SRGAP2: variants seen among roughly 807,000 people sequenced by gnomAD.
SRGAP2 encodes SLIT-ROBO Rho GTPase activating protein 2, also known as SLIT-ROBO Rho GTPase-activating protein 2.
In SRGAP2, 15 loss-of-function variants were observed where a neutral mutation model predicts 57.2. The observed-to-expected ratio is 0.26, with a 90% confidence interval of 0.18 to 0.40. The LOEUF (loss-of-function observed/expected upper bound fraction) is 0.40, where lower values mean the gene tolerates loss of function less well. Among genes scored for constraint, SRGAP2 ranks in the 10% least tolerant of loss-of-function variants. The pLI is 1.00. For missense variants in SRGAP2, 520 were observed against 669.6 expected, an observed-to-expected ratio of 0.78 and a Z score of 2.47; for synonymous variants, 249 against 248.0, an observed-to-expected ratio of 1.00 and a Z score of -0.04.
Position 206,360,677 on chromosome 1 carries a change from C to T in SRGAP2, c.423+17669C>T, listed in dbSNP as rs555922941. On this transcript the variant is annotated intron_variant, in intron 4 of 22. Transcript: ENST00000573034. ...GAAAAAAATAGCAGTCGAAGATGACCCCAAGCATTCTGGCCTGAACAATTC... is the reference window on the plus strand; with the variant it reads ...GAAAAAAATAGCAGTCGAAGATGACTCCAAGCATTCTGGCCTGAACAATTC... Among the ~76,000 whole-genome samples the T allele has an allele frequency of 9.9e-5, 15 of 152,280 alleles. No homozygotes were observed. The East Asian group carries it at 2.9e-3, about 29-fold the overall frequency.
At chr1:206,333,821 G>A (rs1323394544) in intron 3 of SRGAP2, among the ~76,000 whole-genome samples, 4 of 152,214 alleles carry the variant, frequency 2.6e-5, no homozygotes, top group African/African-American at 9.6e-5. Context: ...AGTTCAAGGC[G>A]CTTTCCACAG....
intron 2 of SRGAP2, among the ~76,000 whole-genome samples, chr1:206,230,145 A>G (rs1238496678): frequency 2.6e-5 from 4 of 152,206 alleles, no homozygotes; most frequent in African/African-American, 9.6e-5. Flanking sequence ...ATTGAGAGAA[A>G]GCCATTCAAT....
intron 5 of SRGAP2, among the ~76,000 whole-genome samples, chr1:206,391,664 ACT>A (rs1320771831): frequency 6.8e-6 from 1 of 146,684 alleles, no homozygotes; most frequent in Admixed American, 6.7e-5. Flanking sequence ...CCCAACTTCT[ACT>A]CTCTAATTCT....
chr1:206,352,875 G>A (rs1184125079), intron 4 of SRGAP2, among the ~76,000 whole-genome samples: 3 of 152,056 alleles, frequency 2.0e-5, no homozygotes, highest in African/African-American at 7.3e-5. Context: ...GAGTCCTGTT[G>A]CATGATTACA....
At chr1:206,349,673 TAAG>T (rs1553337669) in intron 4 of SRGAP2, among the ~76,000 whole-genome samples, 1 of 122,172 alleles carries the variant, frequency 8.2e-6, no homozygotes, top group Non-Finnish European at 1.7e-5. Flanking sequence ...AGTGTCCTCA[TAAG>T]AAGGAGATTA....
At chr1:206,414,587 G>T (rs1659517904) in intron 10 of SRGAP2, among the ~76,000 whole-genome samples, 1 of 152,042 alleles carries the variant, frequency 6.6e-6, no homozygotes, top group African/African-American at 2.4e-5. Flanking sequence ...CTGATCTGGA[G>T]GATGAACCAC....
At chr1:206,420,462 G>A (rs1388944922) in intron 12 of SRGAP2, among the ~76,000 whole-genome samples, 2 of 152,168 alleles carry the variant, frequency 1.3e-5, no homozygotes, top group Non-Finnish European at 2.9e-5. Flanking sequence ...TTATTTTGCT[G>A]TGAGACCTTA....
At chr1:206,218,026 C>A (rs1348469968) in intron 2 of SRGAP2, among the ~76,000 whole-genome samples, 5 of 151,956 alleles carry the variant, frequency 3.3e-5, no homozygotes, top group Admixed American at 6.5e-5. Flanking sequence ...CGTTGAAGAT[C>A]GGCCTGGCTG....
intron 2 of SRGAP2, among the ~76,000 whole-genome samples, chr1:206,284,790 T>G (rs1242047567): frequency 1.3e-5 from 2 of 151,856 alleles, no homozygotes; most frequent in Non-Finnish European, 2.9e-5. Flanking sequence ...GACTGTACAT[T>G]TTATGATATA....
intron 3 of SRGAP2, among the ~76,000 whole-genome samples, chr1:206,319,061 C>T (rs1229669357): frequency 7.9e-5 from 12 of 152,170 alleles, no homozygotes; most frequent in African/African-American, 2.7e-4. Flanking sequence ...TGGGCTTTGT[C>T]TTGGATTTTA....
chr1:206,295,343 C>G, intron 2 of SRGAP2, among the ~76,000 whole-genome samples: 2 of 152,222 alleles, frequency 1.3e-5, no homozygotes, highest in East Asian at 3.9e-4. Flanking sequence ...CCTGCCTCAC[C>G]CTCCCAAGTA....
intron 14 of SRGAP2, among the ~76,000 whole-genome samples, chr1:206,432,893 G>C (rs1661396653): frequency 6.6e-6 from 1 of 152,154 alleles, no homozygotes; most frequent in Non-Finnish European, 1.5e-5. Context: ...TGTTTACCCT[G>C]GTAATCACGT....
At chr1:206,257,748 A>T (rs1669281554) in intron 2 of SRGAP2, among the ~76,000 whole-genome samples, 1 of 118,416 alleles carries the variant, frequency 8.4e-6, no homozygotes, top group Admixed American at 8.5e-5. Flanking sequence ...ATATATACAT[A>T]TATATATACT....
rs1203998951 is a variant in SRGAP2 at position 206,463,839 on chromosome 1, A to G, written c.*2419A>G. 1.3e-5 allele frequency: 2 copies of G among 152,644 alleles called. No homozygotes were observed. The highest frequency in any genetic ancestry group is 4.8e-5 in the African/African-American group (2 of 41,444). 9.5% of individuals were successfully genotyped at this position (152,644 alleles called of 1,614,324 possible). On this transcript the variant is annotated 3_prime_UTR_variant, in exon 23 of 23. Transcript: ENST00000573034. ...CAAACAACTGGAATTGAGGTTGCAC[A>G]CTGTGATTTTTACACCGAAAAGCCA...
chr1:206,371,740 A>G lies in SRGAP2; in HGVS notation c.424-12274A>G, dbSNP rs1238817192. Among the ~76,000 whole-genome samples the G allele has an allele frequency of 3.4e-3, 202 of 58,694 alleles. 3 individuals are homozygous for G. The highest frequency in any genetic ancestry group is 5.5e-3 in the African/African-American group (35 of 6,376). The allele number at this position is 58,694 out of a possible 152,430, so 38.5% of individuals were successfully genotyped here. On this transcript the variant is annotated intron_variant, in intron 4 of 22. Coordinates refer to ENST00000573034, the MANE Select transcript of SRGAP2 (RefSeq NM_015326.5). Reference sequence around the variant, plus strand: ...AGTGAGACTCCGTCTCCAAAAAAAAAAAGAAAAAAAATATAGATCTAAGTG... The same window carrying G: ...AGTGAGACTCCGTCTCCAAAAAAAAGAAGAAAAAAAATATAGATCTAAGTG...
Position 206,316,404 on chromosome 1 carries a change from C to G in SRGAP2, c.260+12931C>G, listed in dbSNP as rs1189701393. On this transcript the variant is annotated intron_variant, in intron 3 of 22. Coordinates refer to ENST00000573034, the MANE Select transcript of SRGAP2 (RefSeq NM_015326.5). Reference sequence around the variant, plus strand: ...GCCTGGCTGGGTAATATGTCAGTTTCCATTTTCTTCAGACCCCTGTGGGCC... The same window carrying G: ...GCCTGGCTGGGTAATATGTCAGTTTGCATTTTCTTCAGACCCCTGTGGGCC... 4.8e-3 allele frequency among the ~76,000 whole-genome samples: 580 copies of G among 121,778 alleles called. 2 individuals are homozygous for G. Among genetic ancestry groups the G allele is most frequent in the African/African-American group, 0.023 (536 of 23,508 alleles). The allele number at this position is 121,778 out of a possible 152,430, so 79.9% of individuals were successfully genotyped here.
chr1:206,357,582 C>CTTT lies in SRGAP2; in HGVS notation c.423+14594_423+14596dup, dbSNP rs781912077. Reference sequence around the variant, plus strand: ...CCTTATGGTTCTTTGGCTATGTTGTCTTTTTTTTTTTTTTTTTTTTTTGGA... The same window carrying CTTT: ...CCTTATGGTTCTTTGGCTATGTTGTCTTTTTTTTTTTTTTTTTTTTTTTTTGGA... On this transcript the variant is annotated intron_variant, in intron 4 of 22. Coordinates refer to ENST00000573034, the MANE Select transcript of SRGAP2 (RefSeq NM_015326.5). 1.3e-3 allele frequency among the ~76,000 whole-genome samples: 104 copies of CTTT among 77,988 alleles called. 1 individual carries two copies. Among genetic ancestry groups the CTTT allele is most frequent in the African/African-American group, 4.1e-3 (75 of 18,110 alleles). The allele number at this position is 77,988 out of a possible 152,430, so 51.2% of individuals were successfully genotyped here.
At chr1:206,257,725 G>C (rs1669273050) in intron 2 of SRGAP2, among the ~76,000 whole-genome samples, 1 of 115,314 alleles carries the variant, frequency 8.7e-6, no homozygotes, top group Admixed American at 8.6e-5. Flanking sequence ...GTGGTGGTAG[G>C]AAAGCAGACT....
At position 206,286,573 on chromosome 1, in the gene SRGAP2, C is replaced by T. The variant is rs1332580918; in HGVS notation, c.68-16708C>T. Among the ~76,000 whole-genome samples, 111 of 151,202 alleles carry T rather than the reference C, an allele frequency of 7.3e-4. 3 individuals carry two copies. The East Asian group carries it at 0.018, about 25-fold the overall frequency. ...GAAGTCCCTACCATCATGGAACTTA[C>T]ACTCTAGTGGGAGGAGAAAATGATA... On this transcript the variant is annotated intron_variant, in intron 2 of 22. Transcript: ENST00000573034.
Sources: gnomAD v4.1 joint callset for allele counts (sites outside exome capture counted in the v4.1 genomes callset) on GRCh38, gnomAD v4.1.1 for gene constraint, MANE v1.5 for transcripts, NCBI Gene and HGNC (gene_info 2026-07-23, HGNC 2026-07-21) for gene names.